Variants in UNC13C observed in about 807,000 individuals in gnomAD.
UNC13C encodes the protein unc-13 homolog C.
A neutral mutation model predicts 245.4 loss-of-function variants in UNC13C; 174 were observed. That is an observed-to-expected ratio of 0.71 (90% confidence interval 0.63 to 0.80). UNC13C has a LOEUF of 0.80. Ranked by LOEUF, UNC13C falls within the 30% of genes least tolerant of loss-of-function variation. UNC13C has a pLI of 0.00. For synonymous variants in UNC13C, 992 were observed against 895.1 expected, an observed-to-expected ratio of 1.11 and a Z score of -1.93; for missense variants, 2,829 against 2,602.9, an observed-to-expected ratio of 1.09 and a Z score of -1.89.
rs1491131860 is a variant in UNC13C at position 54,369,199 on chromosome 15, CCA to C, written c.4714-23848_4714-23847del. 1.7e-3 allele frequency among the ~76,000 whole-genome samples: 234 copies of C among 136,268 alleles called. 5 individuals carry two copies. The highest frequency in any genetic ancestry group is 0.015 in the Admixed American group (212 of 14,188). 89.4% of individuals were successfully genotyped at this position (136,268 alleles called of 152,430 possible). A position where few individuals can be genotyped will look rare whatever the true frequency, so the allele number is the denominator to read the frequency against. ...GGGATCGATGATTAACCTCCCCCCC[CCA>C]AAAAAAAAAGTTGAATGCTAGAGGA... On this transcript the variant is annotated intron_variant, in intron 17 of 32. Coordinates refer to ENST00000260323, the MANE Select transcript of UNC13C (RefSeq NM_001080534.3).
the UNC13C span, among the ~76,000 whole-genome samples, chr15:53,898,753 T>C: frequency 6.6e-6 from 1 of 152,230 alleles, no homozygotes; most frequent in Non-Finnish European, 1.5e-5. Context: ...ACTTAACACA[T>C]CTATCACCTA....
chr15:54,475,915 G>C (rs1892714240), intron 19 of UNC13C, among the ~76,000 whole-genome samples: 1 of 110,824 alleles, frequency 9.0e-6, no homozygotes. Context: ...CTAGTTTACA[G>C]TCCCACCAAC....
At chr15:53,886,271 G>A in the UNC13C span, among the ~76,000 whole-genome samples, 4 of 152,016 alleles carry the variant, frequency 2.6e-5, no homozygotes, top group Admixed American at 6.6e-5. Context: ...CTAGGACTGG[G>A]GCATATACAA....
At chr15:53,890,175 T>G in the UNC13C span, among the ~76,000 whole-genome samples, 3 of 149,586 alleles carry the variant, frequency 2.0e-5, no homozygotes. Flanking sequence ...GGATTCTCAC[T>G]GCGTCACCCA....
intron 14 of UNC13C, among the ~76,000 whole-genome samples, chr15:54,322,819 A>G (rs1388980293): frequency 6.6e-6 from 1 of 151,986 alleles, no homozygotes; most frequent in Admixed American, 6.6e-5. Context: ...GTGGAGATGG[A>G]GAAGAGAGGA....
chr15:54,537,589 T>C (rs1270735006), intron 26 of UNC13C, among the ~76,000 whole-genome samples: 6 of 151,776 alleles, frequency 4.0e-5, no homozygotes, highest in African/African-American at 1.5e-4. Flanking sequence ...AACTATACCA[T>C]AAAGCTACAG....
intron 1 of UNC13C, among the ~76,000 whole-genome samples, chr15:53,999,198 C>T (rs1267218141): frequency 6.6e-6 from 1 of 151,692 alleles, no homozygotes; most frequent in Non-Finnish European, 1.5e-5. Flanking sequence ...TTTCTAGAAT[C>T]CTCTAGTTTA....
At chr15:54,037,177 A>G (rs1390448609) in intron 2 of UNC13C, among the ~76,000 whole-genome samples, 1 of 152,214 alleles carries the variant, frequency 6.6e-6, no homozygotes, top group Non-Finnish European at 1.5e-5. Flanking sequence ...CACTGCTTCC[A>G]TCTGTTTTGA....
intron 32 of UNC13C, among the ~76,000 whole-genome samples, chr15:54,626,047 G>T (rs1470084015): frequency 6.6e-6 from 1 of 152,152 alleles, no homozygotes; most frequent in Non-Finnish European, 1.5e-5. Context: ...GTAAAAGGAA[G>T]GAATTTGGAA....
At chr15:53,881,228 A>G in the UNC13C span, among the ~76,000 whole-genome samples, 1 of 152,188 alleles carries the variant, frequency 6.6e-6, no homozygotes, top group African/African-American at 2.4e-5. Context: ...CCAAGGTTTT[A>G]TTCAGAGCCT....
At chr15:54,149,404 A>G (rs1323262842) in intron 4 of UNC13C, among the ~76,000 whole-genome samples, 3 of 152,218 alleles carry the variant, frequency 2.0e-5, no homozygotes, top group Admixed American at 2.0e-4. Flanking sequence ...AGAGATTTCT[A>G]CTTATTATAA....
the UNC13C span, chr15:53,967,985 C>T: frequency 6.6e-6 from 1 of 152,040 alleles, no homozygotes; most frequent in African/African-American, 2.4e-5. Flanking sequence ...AGAAACTACT[C>T]AGTACCAATT....
Position 54,121,992 on chromosome 15 carries a change from G to C in UNC13C, c.2984-21026G>C, listed in dbSNP as rs111927414. 4.2e-3 allele frequency among the ~76,000 whole-genome samples: 636 copies of C among 152,010 alleles called. 7 individuals are homozygous for C. Among genetic ancestry groups the C allele is most frequent in the African/African-American group, 0.015 (611 of 41,500 alleles). On this transcript the variant is annotated intron_variant, in intron 2 of 32. Coordinates refer to ENST00000260323, the MANE Select transcript of UNC13C (RefSeq NM_001080534.3). ...AAGTTTTTTATGTTGATCTTATATG[G>C]AGTGAACTTAACAAGTATTCTTATT...
the UNC13C span, among the ~76,000 whole-genome samples, chr15:53,840,906 G>A: frequency 1.3e-5 from 2 of 152,172 alleles, no homozygotes; most frequent in Non-Finnish European, 2.9e-5. Context: ...ATGAGGCATA[G>A]CATGGGTACA....
the UNC13C span, among the ~76,000 whole-genome samples, chr15:53,959,349 A>AT: frequency 6.6e-6 from 1 of 151,766 alleles, no homozygotes; most frequent in Non-Finnish European, 1.5e-5. Context: ...GTATTTATAG[A>AT]TTTTGAGGAA....
intron 18 of UNC13C, among the ~76,000 whole-genome samples, chr15:54,408,881 CAT>C (rs1259264868): frequency 1.3e-5 from 2 of 152,190 alleles, no homozygotes; most frequent in African/African-American, 4.8e-5. Flanking sequence ...GACATCTATT[CAT>C]GTCAATTGAA....
intron 19 of UNC13C, among the ~76,000 whole-genome samples, chr15:54,468,440 GA>G: frequency 6.6e-6 from 1 of 151,760 alleles, no homozygotes; most frequent in South Asian, 2.1e-4. Context: ...TTGCTGTGCA[GA>G]AGCTTTTTAT....
At chr15:54,317,145 A>G (rs1340561560) in intron 13 of UNC13C, among the ~76,000 whole-genome samples, 2 of 152,114 alleles carry the variant, frequency 1.3e-5, no homozygotes, top group Admixed American at 6.6e-5. Flanking sequence ...TGAATGTATT[A>G]TAATTACTAT....
At chr15:54,324,212 A>T (rs1404549106) in intron 14 of UNC13C, among the ~76,000 whole-genome samples, 1 of 152,036 alleles carries the variant, frequency 6.6e-6, no homozygotes, top group African/African-American at 2.4e-5. Context: ...ACCTAAGTAT[A>T]TCTCCTGCCT....
Sources: allele counts gnomAD v4.1 joint callset (sites outside exome capture counted in the v4.1 genomes callset), GRCh38; gene constraint gnomAD v4.1.1; transcripts MANE v1.5; gene names NCBI Gene and HGNC (gene_info 2026-07-23, HGNC 2026-07-21).